Variants in PABIR3 observed in about 807,000 individuals in gnomAD.
PABIR3 encodes the protein PABIR family member 1.
Under a neutral mutation model 23.1 loss-of-function variants are expected in PABIR3, and 20 were observed. The ratio of observed to expected loss-of-function variants is 0.86; its 90% confidence interval spans 0.61 to 1.26. The LOEUF (loss-of-function observed/expected upper bound fraction) is 1.26, where lower values mean the gene tolerates loss of function less well. Among genes scored for constraint, PABIR3 ranks in the 50% most tolerant of loss-of-function variants. The probability of loss-of-function intolerance (pLI) is 0.00; values close to 1 mark genes in which losing one functional copy is unlikely to be tolerated. For synonymous variants in PABIR3, 69 were observed against 68.5 expected, an observed-to-expected ratio of 1.01 and a Z score of -0.04; for missense variants, 189 against 195.4, an observed-to-expected ratio of 0.97 and a Z score of 0.20.
chrX:134,853,986 T>C (rs1356934936), intron 10 of PABIR3, 105 bp from the exon 11 acceptor site: 28 of 863,394 alleles, frequency 3.2e-5, no homozygotes, highest in Admixed American at 2.2e-4. Context: ...TTGTGACAAG[T>C]GCCAGTTGTT....
At position 134,854,267 on chromosome X, in the gene PABIR3, A is replaced by T; in HGVS notation, c.*50A>T. On this transcript the variant is annotated 3_prime_UTR_variant, in exon 11 of 11. Coordinates refer to ENST00000645433, the MANE Select transcript of PABIR3 (RefSeq NM_001388447.1). ...TCACCCATCCCAAGACTTTCTCACC[A>T]GTGGAGAAACACACACATCAAGCAA... 8.6e-7 allele frequency: 1 copy of T among 1,162,790 alleles called. No homozygotes were observed. Among genetic ancestry groups the T allele is most frequent in the Non-Finnish European group, 1.2e-6 (1 of 868,296 alleles).
chrX:134,857,300 T>C (rs2082755138), downstream of PABIR3, among the ~76,000 whole-genome samples: 1 of 111,141 alleles, frequency 9.0e-6, no homozygotes, highest in African/African-American at 3.3e-5. Flanking sequence ...AATCCTTGGC[T>C]TACGGATACA....
At chrX:134,845,914 A>G (rs1228484821) in intron 6 of PABIR3, among the ~76,000 whole-genome samples, 1 of 112,033 alleles carries the variant, frequency 8.9e-6, no homozygotes, top group African/African-American at 3.2e-5. Flanking sequence ...TATGAACTAT[A>G]TATTAGGAGT....
At chrX:134,828,010 GCTCT>G (rs1167724649) in intron 3 of PABIR3, among the ~76,000 whole-genome samples, 1,319 of 61,166 alleles carry the variant, frequency 0.022, 21 homozygotes, top group African/African-American at 0.043. Flanking sequence ...CTAGCTCAGT[GCTCT>G]CTCTCTCTCT....
chrX:134,813,126 A>C (rs2080768384), intron 2 of PABIR3, among the ~76,000 whole-genome samples: 1 of 112,152 alleles, frequency 8.9e-6, no homozygotes, highest in Non-Finnish European at 1.9e-5. Flanking sequence ...TTGGCAAAAG[A>C]AAAAGGTGGC....
chrX:134,827,537 C>A (rs1479694217), intron 3 of PABIR3, among the ~76,000 whole-genome samples: 1 of 111,263 alleles, frequency 9.0e-6, no homozygotes, highest in East Asian at 2.8e-4. Context: ...CTAGGGTTAC[C>A]TTTTTAAAGC....
chrX:134,860,105 T>G, the PABIR3 span, among the ~76,000 whole-genome samples: 1,628 of 110,511 alleles, frequency 0.015, 33 homozygotes, highest in African/African-American at 0.052. Flanking sequence ...CAAATTTTTT[T>G]TTTTTTTAAC....
intron 10 of PABIR3, 61 bp from the exon 11 acceptor site, chrX:134,854,030 C>G: frequency 8.8e-7 from 1 of 1,137,502 alleles, no homozygotes; most frequent in Non-Finnish European, 1.2e-6. Context: ...GTAGACAAAG[C>G]AGAGTATACA....
intron 2 of PABIR3, among the ~76,000 whole-genome samples, chrX:134,813,978 T>C (rs2080822823): frequency 9.1e-6 from 1 of 109,709 alleles, no homozygotes; most frequent in Non-Finnish European, 1.9e-5. Context: ...GGGTGTTTTT[T>C]TTTTTTTTAA....
At chrX:134,799,475 C>G (rs1400353777) in intron 1 of PABIR3, among the ~76,000 whole-genome samples, 2 of 112,349 alleles carry the variant, frequency 1.8e-5, no homozygotes, top group African/African-American at 6.5e-5. Flanking sequence ...AAATAATTCC[C>G]TTTCAGTTAT....
chrX:134,818,741 G>A (rs2081106868), intron 3 of PABIR3, among the ~76,000 whole-genome samples: 1 of 110,551 alleles, frequency 9.0e-6, no homozygotes, highest in Admixed American at 9.7e-5. Flanking sequence ...TTGTAGGTTT[G>A]TTGTGGATTA....
Position 134,807,558 on chromosome X carries a change from G to C in PABIR3, c.-41G>C. On this transcript the variant is annotated 5_prime_UTR_variant, in exon 2 of 11. Transcript: ENST00000645433. Reference sequence around the variant, plus strand: ...TAAGTAGACTTGTCCTTGTGTGGACGGGAGCCGGAAAGCCTTGAGAACTTA... The same window carrying C: ...TAAGTAGACTTGTCCTTGTGTGGACCGGAGCCGGAAAGCCTTGAGAACTTA... 8.3e-7 allele frequency: 1 copy of C among 1,208,382 alleles called. No homozygotes were observed. Among genetic ancestry groups the C allele is most frequent in the Non-Finnish European group, 1.1e-6 (1 of 893,508 alleles).
At chrX:134,809,697 A>G (rs1201171821) in intron 2 of PABIR3, 1 of 701,338 alleles carries the variant, frequency 1.4e-6, no homozygotes, top group African/African-American at 2.4e-5. Context: ...TGTTTAACAT[A>G]TGAGGAAACT....
intron 1 of PABIR3, among the ~76,000 whole-genome samples, chrX:134,798,084 G>C (rs922145083): frequency 2.7e-5 from 3 of 111,934 alleles, no homozygotes; most frequent in Non-Finnish European, 3.8e-5. Context: ...GCCTCCCAAA[G>C]TGCTGGGATT....
chrX:134,845,115 TA>T, intron 4 of PABIR3, 89 bp from the exon 5 acceptor site: 1 of 730,535 alleles, frequency 1.4e-6, no homozygotes, highest in East Asian at 3.2e-5. Context: ...GCCTAGTGAA[TA>T]AAAATAATGG....
At chrX:134,830,325 C>CTTTTTTTTTTTTTTTTTTTTTTT (rs766717674) in intron 4 of PABIR3, among the ~76,000 whole-genome samples, 1 of 62,549 alleles carries the variant, frequency 1.6e-5, no homozygotes, top group African/African-American at 7.1e-5. Flanking sequence ...GGTTTTTTTC[C>CTTTTTTTTTTTTTTTTTTTTTTT]TTTTTTTTTT....
At position 134,800,981 on chromosome X, in the gene PABIR3, C is replaced by G. The variant is rs150941550; in HGVS notation, c.-97-3120C>G. On this transcript the variant is annotated intron_variant, in intron 1 of 4. Transcript: ENST00000414371. ...AATAATCAATACATGGCAAAAGTAC[C>G]ACAAGTATTAAACCACAAAGGACTG... Among the ~76,000 whole-genome samples the G allele has an allele frequency of 1.4e-4, 16 of 111,745 alleles. No homozygotes were observed. The East Asian group carries it at 4.2e-3, about 29-fold the overall frequency.
At chrX:134,823,529 T>A (rs1307661328) in intron 3 of PABIR3, among the ~76,000 whole-genome samples, 3 of 112,094 alleles carry the variant, frequency 2.7e-5, no homozygotes, top group Non-Finnish European at 3.8e-5. Flanking sequence ...TATGTGTATA[T>A]ATATGTATAT....
intron 3 of PABIR3, among the ~76,000 whole-genome samples, chrX:134,826,549 G>A (rs989791443): frequency 2.7e-5 from 3 of 109,768 alleles, no homozygotes; most frequent in Non-Finnish European, 5.7e-5. Context: ...TTTTTTTTAA[G>A]AAAAAAATTC....
Sources: allele counts gnomAD v4.1 joint callset (sites outside exome capture counted in the v4.1 genomes callset), GRCh38; gene constraint gnomAD v4.1.1; transcripts MANE v1.5; gene names NCBI Gene and HGNC (gene_info 2026-07-23, HGNC 2026-07-21).